The following TRPV1 variants were observed in gnomAD, a reference collection of about 807,000 sequenced individuals.
The protein encoded by TRPV1 is OTRPC1.
TRPV1 carries 82 observed loss-of-function variants against 82.3 expected under a neutral mutation model. The ratio of observed to expected loss-of-function variants is 1.00; its 90% CI spans 0.83 to 1.20. The LOEUF is 1.20. TRPV1 is among the 50% of genes most tolerant of loss of function. TRPV1 has a pLI of 0.00. For synonymous variants in TRPV1, 515 were observed against 467.7 expected (o/e 1.10, Z -1.30); for missense variants, 1,067 against 1,096.8 (o/e 0.97, Z 0.38).
At position 3,566,660 on chromosome 17, in the gene TRPV1, C is replaced by G. The variant is rs781590338; in HGVS notation, c.*155G>C. The G allele has an allele frequency of 4.5e-6, 4 of 879,810 alleles. No homozygotes were observed. Among genetic ancestry groups the G allele is most frequent in the Non-Finnish European group, 6.7e-6 (4 of 596,620 alleles). The allele number at this position is 879,810 out of a possible 1,614,324, so 54.5% of individuals were successfully genotyped here. On this transcript the variant is annotated 3_prime_UTR_variant, in exon 17 of 17. Transcript: ENST00000572705. ...ATCACTCCCCATGCTTCCAAGAACG[C>G]TTCCCACAGCTTGTCCAGCACAGAT... is the stretch of plus-strand genomic sequence containing the variant.
chr17:3,602,645 C>A (rs1365075039), intron 2 of TRPV1, among the ~76,000 whole-genome samples: 1 of 152,050 alleles, frequency 6.6e-6, no homozygotes, highest in East Asian at 1.9e-4. Flanking sequence ...CAGCCAGCGG[C>A]TGGGCCAAAT....
At chr17:3,586,565 A>G (rs1299150159) in intron 8 of TRPV1, among the ~76,000 whole-genome samples, 1 of 152,174 alleles carries the variant, frequency 6.6e-6, no homozygotes, top group African/African-American at 2.4e-5. Flanking sequence ...TGAAGTCTGG[A>G]GTTCAAGACC....
intron 2 of TRPV1, among the ~76,000 whole-genome samples, chr17:3,604,441 T>C (rs1032280494): frequency 1.3e-5 from 2 of 151,256 alleles, no homozygotes; most frequent in Non-Finnish European, 2.9e-5. Flanking sequence ...CTATTAAAAA[T>C]ACAAAAATTA....
chr17:3,602,003 T>C (rs1419474023), intron 2 of TRPV1: 1 of 152,156 alleles, frequency 6.6e-6, no homozygotes, highest in African/African-American at 2.4e-5. Flanking sequence ...TGGCTGTGAA[T>C]ATGTGTTGAG....
chr17:3,594,154 AAGCAGCAGCAGC>A (rs773915600), intron 2 of TRPV1, among the ~76,000 whole-genome samples: 16 of 95,442 alleles, frequency 1.7e-4, no homozygotes, highest in Admixed American at 3.3e-4. Flanking sequence ...AAAAAAAAAG[AAGCAGCAGCAGC>A]AGCAGCAGCA....
chr17:3,591,746 C>A (rs2075161260), intron 3 of TRPV1, among the ~76,000 whole-genome samples: 1 of 152,184 alleles, frequency 6.6e-6, no homozygotes, highest in African/African-American at 2.4e-5. Context: ...GCCTGTGGCC[C>A]TCCCTGCCCT....
Position 3,573,806 on chromosome 17 carries a change from C to A in TRPV1, c.1930G>T (p.Gly644Cys), listed in dbSNP as rs201057823. 1 of 1,613,802 alleles carries A rather than the reference C, an allele frequency of 6.2e-7. No individual in the cohort carries two copies. Among genetic ancestry groups the A allele is most frequent in the South Asian group, 1.1e-5 (1 of 91,056 alleles). The change falls in exon 14 of 17, where the codon GGC (glycine) becomes TGC (cysteine). Residue 644 changes from glycine to cysteine, a missense_variant. Transcript: ENST00000572705. ...TCLELFKFTIGMGDLEFTENY... is the reference protein window; with the variant it reads ...TCLELFKFTICMGDLEFTENY... ...TCAGTGAACTCCAGGTCGCCCATGC[C>A]GATGGTGAACTTGAACAGCTCCAGG...
chr17:3,578,946 G>A (rs1035095543), intron 11 of TRPV1: 2 of 152,104 alleles, frequency 1.3e-5, no homozygotes, highest in Admixed American at 6.6e-5. Context: ...AATCCCACAT[G>A]TTCTTACTTA....
At chr17:3,589,771 C>T (rs761699040) in intron 7 of TRPV1, 36 bp downstream of exon 7, 7 of 1,581,876 alleles carry the variant, frequency 4.4e-6, no homozygotes, top group East Asian at 4.5e-5. Flanking sequence ...CCATCAGCCC[C>T]GCACCGCACC....
At chr17:3,578,047 T>G in intron 11 of TRPV1, 2 of 263,000 alleles carry the variant, frequency 7.6e-6, no homozygotes, top group South Asian at 7.2e-5. Flanking sequence ...GCTCACGCCT[T>G]TAATCCCAGC....
chr17:3,602,533 G>GT (rs1200161632), intron 2 of TRPV1, among the ~76,000 whole-genome samples: 1 of 152,164 alleles, frequency 6.6e-6, no homozygotes, highest in African/African-American at 2.4e-5. Flanking sequence ...AAAACTCCTT[G>GT]TGAGTAGAAA....
intron 14 of TRPV1, 104 bp downstream of exon 14, chr17:3,573,529 A>ACCC: frequency 4.8e-5 from 1 of 20,996 alleles, no homozygotes; most frequent in Non-Finnish European, 1.1e-4. Context: ...CTGGCCACAC[A>ACCC]CCGCCCCCAC....
At chr17:3,574,094 C>CA (rs1385693279) in intron 13 of TRPV1, 139 bp from the exon 14 acceptor site, 1 of 733,394 alleles carries the variant, frequency 1.4e-6, no homozygotes, top group South Asian at 2.1e-5. Flanking sequence ...TTAAAACTAT[C>CA]AAAAAAATTT....
In TRPV1 at chr17:3,589,834, A is replaced by G; in HGVS notation, c.1017T>C (p.Ala339=). 1 of 1,613,726 alleles carries G rather than the reference A, an allele frequency of 6.2e-7. No homozygotes were observed. The highest frequency in any genetic ancestry group is 8.5e-7 in the Non-Finnish European group (1 of 1,179,738). Residue 339 remains alanine (A), a synonymous_variant, in exon 7 of 17, where the codon GCT becomes GCC. Transcript: ENST00000572705. The part of the protein sequence containing the change: ...LTNKKGMTPL[A]LAAGTGKIGV... ...CGATCTTCCCGGTCCCAGCTGCCAG[A>G]GCCAGCGGCGTCATTCCCTTCTTGT...
At chr17:3,578,926 C>G (rs1022818777) in intron 11 of TRPV1, 2 of 152,136 alleles carry the variant, frequency 1.3e-5, no homozygotes, top group Admixed American at 1.3e-4. Context: ...AACACAGAAA[C>G]AGAAAACCAA....
chr17:3,579,193 A>C (rs2074973787), intron 11 of TRPV1, among the ~76,000 whole-genome samples: 1 of 152,182 alleles, frequency 6.6e-6, no homozygotes, highest in Non-Finnish European at 1.5e-5. Flanking sequence ...AAAAAAATTA[A>C]AATAAGTGTT....
chr17:3,609,286 T>C (rs926807097), intron 1 of TRPV1, 23 bp downstream of exon 1: 10 of 151,448 alleles, frequency 6.6e-5, no homozygotes, highest in Non-Finnish European at 4.4e-5. Flanking sequence ...ATGACATTTA[T>C]AAAGAGACAA....
At chr17:3,596,692 G>C (rs1036172620) in intron 2 of TRPV1, among the ~76,000 whole-genome samples, 1 of 152,196 alleles carries the variant, frequency 6.6e-6, no homozygotes, top group African/African-American at 2.4e-5. Flanking sequence ...CTTCCAAGGA[G>C]CCAGGCTGAG....
At chr17:3,585,744 C>A in intron 9 of TRPV1, 24 bp downstream of exon 9, 4 of 1,606,682 alleles carry the variant, frequency 2.5e-6, no homozygotes, top group Non-Finnish European at 3.4e-6. Flanking sequence ...CCCTCGCCCA[C>A]GAGGCCTGAG....
Sources: gnomAD v4.1 joint callset for allele counts (sites outside exome capture counted in the v4.1 genomes callset) on GRCh38, gnomAD v4.1.1 for gene constraint, MANE v1.5 for transcripts, NCBI Gene and HGNC (gene_info 2026-07-23, HGNC 2026-07-21) for gene names.